CXCL11: variants seen among roughly 807,000 people sequenced by gnomAD.
CXCL11 encodes the protein C-X-C motif chemokine ligand 11.
A neutral mutation model predicts 9.7 loss-of-function variants in CXCL11; 7 were observed. The observed-to-expected ratio is 0.72, with a 90% confidence interval of 0.41 to 1.36. The LOEUF (loss-of-function observed/expected upper bound fraction) is 1.36, where lower values mean the gene tolerates loss of function less well. CXCL11 is among the 40% of genes most tolerant of loss of function. The pLI, the probability that CXCL11 is intolerant of heterozygous loss-of-function variation, is 0.01. For synonymous variants in CXCL11, 35 were observed against 34.4 expected (o/e 1.02, Z -0.06); for missense variants, 107 against 113.4 (o/e 0.94, Z 0.26).
At position 76,034,829 on chromosome 4, in the gene CXCL11, A is replaced by G; in HGVS notation, c.262-13T>C. ...TTCTTTCAACTTTCTGGAATAAGAA[A>G]ACAAGAGTTTTATTTACTTGGGCTG... On this transcript the variant is annotated splice_polypyrimidine_tract_variant and intron_variant, in intron 3 of 3. Transcript: ENST00000306621. The G allele has an allele frequency of 6.4e-7, 1 of 1,553,672 alleles. No individual in the cohort carries two copies. The highest frequency in any genetic ancestry group is 1.1e-5 in the South Asian group (1 of 87,840).
In CXCL11 at chr4:76,035,950, A is replaced by T; in HGVS notation, c.38T>A (p.Ile13Lys). 6.2e-7 allele frequency: 1 copy of T among 1,613,982 alleles called. No homozygotes were observed. Among genetic ancestry groups the T allele is most frequent in the Non-Finnish European group, 8.5e-7 (1 of 1,179,908 alleles). Residue 13 changes from isoleucine to lysine, a missense_variant, in exon 1 of 4, where the codon ATA becomes AAA. By Grantham distance (102) the Ile-to-Lys change is moderately radical. Coordinates refer to ENST00000306621, the MANE Select transcript of CXCL11 (RefSeq NM_005409.5). ...VKGMAIALAV[I>K]LCATVVQGFP... is the part of the protein sequence containing the mutation. Reference sequence around the variant, plus strand: ...ACCTTGAACAACTGTAGCACACAATATCACAGCCAAGGCTATAGCCATGCC... The same window carrying T: ...ACCTTGAACAACTGTAGCACACAATTTCACAGCCAAGGCTATAGCCATGCC...
chr4:76,035,447 A>G lies in CXCL11; in HGVS notation c.62-105T>C. 2.5e-6 allele frequency: 3 copies of G among 1,182,548 alleles called. No individual in the cohort carries two copies. In the South Asian group the frequency reaches 4.5e-5, roughly 18 times the overall value. 73.3% of individuals were successfully genotyped at this position (1,182,548 alleles called of 1,614,324 possible). On this transcript the variant is annotated intron_variant, in intron 1 of 3. Transcript: ENST00000306621. ...AGCAGAATTTTCATTAAGGGTAAAG[A>G]TAGTAATTTGTCAAATAGCACTTAA...
chr4:76,034,977 T>A, intron 3 of CXCL11, 70 bp downstream of exon 3: 2 of 1,453,768 alleles, frequency 1.4e-6, no homozygotes, highest in Non-Finnish European at 1.9e-6. Flanking sequence ...GTTGTCCACA[T>A]TATTTTCTTT....
rs938386533 is a variant in CXCL11 at position 76,034,339 on chromosome 4, A to G, written c.*454T>C. The G allele has an allele frequency of 2.5e-6, 1 of 403,998 alleles. No homozygotes were observed. The highest frequency in any genetic ancestry group is 2.1e-5 in the African/African-American group (1 of 48,774). 25.0% of individuals were successfully genotyped at this position (403,998 alleles called of 1,614,324 possible). On this transcript the variant is annotated 3_prime_UTR_variant, in exon 4 of 4. Transcript: ENST00000306621. Reference sequence around the variant, plus strand: ...CTCCACCGTAACCACAGATAGTAATATAGCATAAAGATCAATACAGACAGA... The same window carrying G: ...CTCCACCGTAACCACAGATAGTAATGTAGCATAAAGATCAATACAGACAGA...
chr4:76,034,343 C>G lies in CXCL11; in HGVS notation c.*450G>C, dbSNP rs532244359. ...ACCGTAACCACAGATAGTAATATAG[C>G]ATAAAGATCAATACAGACAGATGAC... On this transcript the variant is annotated 3_prime_UTR_variant, in exon 4 of 4. Transcript: ENST00000306621. The G allele has an allele frequency of 1.3e-4, 54 of 405,538 alleles. No homozygotes were observed. The highest frequency in any genetic ancestry group is 9.2e-4 in the African/African-American group (45 of 48,740). The allele number at this position is 405,538 out of a possible 1,614,324, so 25.1% of individuals were successfully genotyped here. A position where few individuals can be genotyped will look rare whatever the true frequency, so the allele number is the denominator to read the frequency against.
At position 76,035,111 on chromosome 4, in the gene CXCL11, A is replaced by T; in HGVS notation, c.197T>A (p.Leu66Gln). 6.2e-7 allele frequency: 1 copy of T among 1,606,008 alleles called. No individual in the cohort carries two copies. Among genetic ancestry groups the T allele is most frequent in the Non-Finnish European group, 8.5e-7 (1 of 1,178,356 alleles). ...GCATCGTTGTCCTTTATTTTCTTTC[A>T]GGGTAATACTGTTAAAAGAACATAC... ...NCDKIEVIIT[L>Q]KENKGQRCLN... The change falls in exon 3 of 4, where the codon CTG becomes CAG. Residue 66 changes from leucine to glutamine, a missense_variant. Coordinates refer to ENST00000306621, the MANE Select transcript of CXCL11 (RefSeq NM_005409.5).
chr4:76,033,825 C>G lies in CXCL11; in HGVS notation c.*968G>C. ...TTAGATTATGTATTTTTCTAAGAGA[C>G]AGAATTACAAAAAGTAAAAGTGATT... On this transcript the variant is annotated 3_prime_UTR_variant, in exon 4 of 4. Coordinates refer to ENST00000306621, the MANE Select transcript of CXCL11 (RefSeq NM_005409.5). 6.6e-6 allele frequency: 1 copy of G among 152,124 alleles called. No individual in the cohort carries two copies. The highest frequency in any genetic ancestry group is 2.4e-5 in the African/African-American group (1 of 41,508). 9.4% of individuals were successfully genotyped at this position (152,124 alleles called of 1,614,324 possible).
At chr4:76,034,917 G>T (rs1417644573) in intron 3 of CXCL11, 101 bp from the exon 4 acceptor site, 1 of 1,343,224 alleles carries the variant, frequency 7.4e-7, no homozygotes, top group East Asian at 2.3e-5. Flanking sequence ...TACAACCAAG[G>T]ACCCCTTAAC....
At chr4:76,034,944 G>T (rs1303462781) in intron 3 of CXCL11, 103 bp downstream of exon 3, 5 of 1,360,338 alleles carry the variant, frequency 3.7e-6, no homozygotes, top group East Asian at 2.3e-5. Flanking sequence ...TTTCACACAG[G>T]ATCATAGCAG....
At position 76,034,190 on chromosome 4, in the gene CXCL11, G is replaced by A. The variant is rs1171293854; in HGVS notation, c.*603C>T. ...GCATAAGAATGTCTCCCTACATATT[G>A]ATGTGCTACATGATGTTTGGGGAAA... is the stretch of plus-strand genomic sequence containing the variant. On this transcript the variant is annotated 3_prime_UTR_variant, in exon 4 of 4. Transcript: ENST00000306621. The A allele has an allele frequency of 5.6e-6, 2 of 359,826 alleles. No individual in the cohort carries two copies. The highest frequency in any genetic ancestry group is 4.6e-5 in the Admixed American group (1 of 21,514). 22.3% of individuals were successfully genotyped at this position (359,826 alleles called of 1,614,324 possible). A position where few individuals can be genotyped will look rare whatever the true frequency, so the allele number is the denominator to read the frequency against.
At chr4:76,035,800 G>A (rs1734336771) in intron 1 of CXCL11, 127 bp downstream of exon 1, 2 of 775,022 alleles carry the variant, frequency 2.6e-6, no homozygotes, top group African/African-American at 3.5e-5. Flanking sequence ...TGCTAAAGCT[G>A]TAGTAACTTC....
In CXCL11 at chr4:76,034,282, T is replaced by A. The variant is rs961267954; in HGVS notation, c.*511A>T. ...ACGACACATAGATGCTTTTGACTTA[T>A]AAGGGCTTGACTCCAGTAATAATGT... On this transcript the variant is annotated 3_prime_UTR_variant, in exon 4 of 4. Transcript: ENST00000306621. 2 of 396,682 alleles carry A rather than the reference T, an allele frequency of 5.0e-6. No homozygotes were observed. Among genetic ancestry groups the A allele is most frequent in the Non-Finnish European group, 8.9e-6 (2 of 225,446 alleles). 24.6% of individuals were successfully genotyped at this position (396,682 alleles called of 1,614,324 possible). A position where few individuals can be genotyped will look rare whatever the true frequency, so the allele number is the denominator to read the frequency against.
At position 76,034,495 on chromosome 4, in the gene CXCL11, A is replaced by G. The variant is rs189121800; in HGVS notation, c.*298T>C. ...AGTAAGAACGTGAAAGCACTTTGTA[A>G]ACTCCGATGGTAACCAGCCTTTCTT... On this transcript the variant is annotated 3_prime_UTR_variant, in exon 4 of 4. Transcript: ENST00000306621. 15 of 517,520 alleles carry G rather than the reference A, an allele frequency of 2.9e-5. No homozygotes were observed. The East Asian group carries it at 4.7e-4, about 16-fold the overall frequency. The allele number at this position is 517,520 out of a possible 1,614,324, so 32.1% of individuals were successfully genotyped here.
At chr4:76,035,183 A>G (rs1051055291) in intron 2 of CXCL11, 33 bp downstream of exon 2, 15 of 1,613,820 alleles carry the variant, frequency 9.3e-6, no homozygotes, top group Non-Finnish European at 1.2e-5. Context: ...AAAAGCCTGC[A>G]CCATTGTCAT....
chr4:76,035,017 T>C (rs1295229102), intron 3 of CXCL11, 30 bp downstream of exon 3: 1 of 1,573,216 alleles, frequency 6.4e-7, no homozygotes. Flanking sequence ...ATAAAACAGA[T>C]TATAACATGG....
At position 76,035,084 on chromosome 4, in the gene CXCL11, A is replaced by G; in HGVS notation, c.224T>C (p.Leu75Pro). 6.2e-7 allele frequency: 1 copy of G among 1,613,964 alleles called. No homozygotes were observed. Among genetic ancestry groups the G allele is most frequent in the Non-Finnish European group, 8.5e-7 (1 of 1,179,852 alleles). ...TLKENKGQRC[L>P]NPKSKQARLI... ...CCTTGCTTGCTTCGATTTGGGATTT[A>G]GGCATCGTTGTCCTTTATTTTCTTT... The change falls in exon 3 of 4, where the codon CTA becomes CCA. Residue 75 changes from leucine (L) to proline (P), a missense_variant. Leu to Pro is a moderately conservative substitution (Grantham distance 98). Transcript: ENST00000306621.
rs368176267 is a variant in CXCL11, at chr4:76,034,584, G to A, written c.*209C>T. Reference sequence around the variant, plus strand: ...TCCTTTGGGCAGTGGAATTCTGATTGTCATTCATTCAGGAAGACTGTATTT... The same window carrying A: ...TCCTTTGGGCAGTGGAATTCTGATTATCATTCATTCAGGAAGACTGTATTT... On this transcript the variant is annotated 3_prime_UTR_variant, in exon 4 of 4. Transcript: ENST00000306621. 2.4e-5 allele frequency: 14 copies of A among 584,756 alleles called. No individual in the cohort carries two copies. The highest frequency in any genetic ancestry group is 2.0e-4 in the African/African-American group (10 of 51,040). 36.2% of individuals were successfully genotyped at this position (584,756 alleles called of 1,614,324 possible). A position where few individuals can be genotyped will look rare whatever the true frequency, so the allele number is the denominator to read the frequency against.
At chr4:76,034,963 T>C in intron 3 of CXCL11, 84 bp downstream of exon 3, 1 of 1,416,688 alleles carries the variant, frequency 7.1e-7, no homozygotes, top group Non-Finnish European at 9.9e-7. Flanking sequence ...AGAATCTTTC[T>C]GTAGTTGTCC....
Position 76,034,602 on chromosome 4 carries a change from CTG to C in CXCL11, c.*189_*190del, listed in dbSNP as rs1734176564. The C allele has an allele frequency of 4.9e-6, 3 of 607,456 alleles. No individual in the cohort carries two copies. The highest frequency in any genetic ancestry group is 1.9e-5 in the African/African-American group (1 of 51,524). The allele number at this position is 607,456 out of a possible 1,614,324, so 37.6% of individuals were successfully genotyped here. ...TCTGATTGTCATTCATTCAGGAAGA[CTG>C]TATTTCTGTTTTTGGTCCTTTCACC... On this transcript the variant is annotated 3_prime_UTR_variant, in exon 4 of 4. Transcript: ENST00000306621.
Sources: allele counts gnomAD v4.1 joint callset, GRCh38; gene constraint gnomAD v4.1.1; transcripts MANE v1.5; gene names NCBI Gene and HGNC (gene_info 2026-07-23, HGNC 2026-07-21).